ELF1: variants seen among roughly 807,000 people sequenced by gnomAD.
ELF1 encodes E74 like ETS transcription factor 1, also known as ETS-related transcription factor Elf-1.
A neutral mutation model predicts 59.9 loss-of-function variants in ELF1; 24 were observed. That is an observed-to-expected ratio of 0.40 (90% CI 0.29 to 0.56). ELF1 has a LOEUF of 0.56. Among genes scored for constraint, ELF1 ranks in the 20% least tolerant of loss-of-function variants. The pLI is 0.44. For missense variants in ELF1, 627 were observed against 742.2 expected, an observed-to-expected ratio of 0.84 and a Z score of 1.80; for synonymous variants, 248 against 266.2, an observed-to-expected ratio of 0.93 and a Z score of 0.67.
chr13:40,953,344 T>A (rs567255096), intron 3 of ELF1, among the ~76,000 whole-genome samples: 26 of 152,356 alleles, frequency 1.7e-4, no homozygotes, highest in African/African-American at 6.0e-4. Context: ...GTTGACATGC[T>A]AACCCCCAGT....
chr13:40,973,880 T>C (rs1872739551), intron 2 of ELF1, among the ~76,000 whole-genome samples: 1 of 152,170 alleles, frequency 6.6e-6, no homozygotes, highest in Admixed American at 6.5e-5. Context: ...TGAACCTTGA[T>C]AACAGGATGC....
At chr13:41,039,689 A>T (rs1876529784) in intron 1 of ELF1, among the ~76,000 whole-genome samples, 1 of 152,238 alleles carries the variant, frequency 6.6e-6, no homozygotes, top group South Asian at 2.1e-4. Context: ...ATACTGAAAC[A>T]CTGCTCAATG....
intron 5 of ELF1, 76 bp from the exon 6 acceptor site, chr13:40,944,001 T>C: frequency 7.0e-7 from 1 of 1,421,112 alleles, no homozygotes; most frequent in Non-Finnish European, 9.7e-7. Flanking sequence ...TATTTTGTCG[T>C]TTACCCTAAA....
chr13:40,984,059 G>T (rs1307158536), intron 1 of ELF1, among the ~76,000 whole-genome samples: 1 of 152,186 alleles, frequency 6.6e-6, no homozygotes, highest in Non-Finnish European at 1.5e-5. Context: ...GTAGTACATT[G>T]TCTTACATTT....
chr13:40,997,386 T>C (rs1027764812), intron 1 of ELF1, among the ~76,000 whole-genome samples: 3 of 151,960 alleles, frequency 2.0e-5, no homozygotes, highest in Admixed American at 2.0e-4. Flanking sequence ...GCCTCCCGAG[T>C]AGCTGGGACT....
intron 1 of ELF1, among the ~76,000 whole-genome samples, chr13:41,014,221 C>T (rs1232596420): frequency 2.0e-5 from 3 of 152,078 alleles, no homozygotes; most frequent in African/African-American, 7.2e-5. Context: ...TCATTATAGA[C>T]CTATGAATTA....
chr13:40,941,550 A>ATC (rs1360257087), intron 7 of ELF1, among the ~76,000 whole-genome samples, 180 bp from the exon 8 acceptor site: 1 of 152,228 alleles, frequency 6.6e-6, no homozygotes, highest in Admixed American at 6.5e-5. Flanking sequence ...ACAGATAGAG[A>ATC]TAAGTTCTTA....
intron 1 of ELF1, among the ~76,000 whole-genome samples, chr13:41,050,385 T>G (rs1566201002): frequency 6.6e-6 from 1 of 152,242 alleles, no homozygotes; most frequent in Non-Finnish European, 1.5e-5. Flanking sequence ...CACACCACAC[T>G]TTAACCATTC....
intron 3 of ELF1, among the ~76,000 whole-genome samples, chr13:40,955,281 G>GC (rs1171238741): frequency 6.8e-6 from 1 of 146,758 alleles, no homozygotes; most frequent in Non-Finnish European, 1.5e-5. Context: ...GGAGGTGGGG[G>GC]TCAGCCCCCC....
At chr13:40,943,724 TG>T in intron 6 of ELF1, 117 bp downstream of exon 6, 1 of 723,288 alleles carries the variant, frequency 1.4e-6, no homozygotes, top group Non-Finnish European at 2.1e-6. Flanking sequence ...AATAAGCATG[TG>T]GCAGCAATAA....
intron 1 of ELF1, among the ~76,000 whole-genome samples, chr13:41,018,284 C>G (rs1875536694): frequency 6.6e-6 from 1 of 152,118 alleles, no homozygotes; most frequent in African/African-American, 2.4e-5. Flanking sequence ...TGTATACTTG[C>G]CAGCCAAAAT....
chr13:41,038,185 C>T (rs1373477921), intron 1 of ELF1, among the ~76,000 whole-genome samples: 1 of 151,440 alleles, frequency 6.6e-6, no homozygotes, highest in Non-Finnish European at 1.5e-5. Flanking sequence ...TACATATAAA[C>T]TTAGATAATA....
chr13:41,048,371 G>A (rs923997688), intron 1 of ELF1, among the ~76,000 whole-genome samples: 5 of 152,286 alleles, frequency 3.3e-5, no homozygotes, highest in Admixed American at 6.5e-5. Context: ...CGTCACTCAC[G>A]CTGAGAGCTG....
chr13:41,036,887 A>C (rs1254261204), intron 1 of ELF1, among the ~76,000 whole-genome samples: 2 of 146,698 alleles, frequency 1.4e-5, no homozygotes, highest in East Asian at 4.4e-4. Flanking sequence ...TCTCACTCAT[A>C]GGTGGGAATT....
intron 1 of ELF1, among the ~76,000 whole-genome samples, chr13:40,995,544 G>C (rs540813805): frequency 3.3e-5 from 5 of 152,044 alleles, no homozygotes; most frequent in Non-Finnish European, 7.4e-5. Flanking sequence ...ACAGAATAGA[G>C]AGCACGGTTA....
At chr13:40,976,977 T>C (rs1398247646) in intron 2 of ELF1, among the ~76,000 whole-genome samples, 2 of 152,144 alleles carry the variant, frequency 1.3e-5, no homozygotes, top group South Asian at 2.1e-4. Context: ...ATGTTCATTT[T>C]TTCCATGTCA....
At chr13:41,061,371 C>T (rs1284858230) in exon 1 of ELF1, 4 of 520,558 alleles carry the variant, frequency 7.7e-6, no homozygotes, top group Non-Finnish European at 1.4e-5. Context: ...CAGCTCAGGT[C>T]CCGTCGCGCT....
chr13:40,971,773 GTAGCCAGGATAAAT>G (rs1054925247), intron 2 of ELF1, among the ~76,000 whole-genome samples: 7 of 152,042 alleles, frequency 4.6e-5, no homozygotes, highest in African/African-American at 1.4e-4. Flanking sequence ...TCTTCTTTTT[GTAGCCAGGATAAAT>G]TACAATTTGG....
At chr13:41,056,256 A>T (rs1566202824) in intron 1 of ELF1, among the ~76,000 whole-genome samples, 1 of 152,206 alleles carries the variant, frequency 6.6e-6, no homozygotes, top group African/African-American at 2.4e-5. Context: ...ATATAAATGG[A>T]ATAAAAATGT....
Sources: gnomAD v4.1 joint callset for allele counts (sites outside exome capture counted in the v4.1 genomes callset) on GRCh38, gnomAD v4.1.1 for gene constraint, MANE v1.5 for transcripts, NCBI Gene and HGNC (gene_info 2026-07-23, HGNC 2026-07-21) for gene names.